The following DEAF1 variants were observed in gnomAD, a reference collection of about 807,000 sequenced individuals.
DEAF1 encodes the protein DEAF1 transcription factor, also known as deformed epidermal autoregulatory factor 1 homolog.
A neutral mutation model predicts 58.9 loss-of-function variants in DEAF1; 53 were observed. That is an observed-to-expected ratio of 0.90 (90% CI 0.72 to 1.13). The LOEUF is 1.13. Ranked by LOEUF, DEAF1 falls within the 50% of genes most tolerant of loss-of-function variation. DEAF1 has a pLI of 0.00. For synonymous variants in DEAF1, 385 were observed against 340.4 expected (o/e 1.13, Z -1.44); for missense variants, 685 against 791.4 (o/e 0.87, Z 1.61).
rs1861070007 is a variant in DEAF1, at chr11:695,217, G to C, written c.-170C>G. 3 of 586,368 alleles carry C rather than the reference G, an allele frequency of 5.1e-6. No individual in the cohort carries two copies. Among genetic ancestry groups the C allele is most frequent in the Non-Finnish European group, 7.7e-6 (3 of 387,382 alleles). 36.3% of individuals were successfully genotyped at this position (586,368 alleles called of 1,614,324 possible). A position where few individuals can be genotyped will look rare whatever the true frequency, so the allele number is the denominator to read the frequency against. ...GCCAGCCGCCGAGCAGAGCCGAGCCGAGTCCGCCCGCGGAGCGGAGCCGAG... is the reference window on the plus strand; with the variant it reads ...GCCAGCCGCCGAGCAGAGCCGAGCCCAGTCCGCCCGCGGAGCGGAGCCGAG... On this transcript the variant is annotated 5_prime_UTR_variant, in exon 1 of 12. Coordinates refer to ENST00000382409, the MANE Select transcript of DEAF1 (RefSeq NM_021008.4).
rs768980086 is a variant in DEAF1, at chr11:688,090, C to G, written c.518-33G>C. 46 of 1,613,186 alleles carry G rather than the reference C, an allele frequency of 2.9e-5. No individual in the cohort carries two copies. Among genetic ancestry groups the G allele is most frequent in the Non-Finnish European group, 1.7e-6 (2 of 1,179,780 alleles). On this transcript the variant is annotated intron_variant, in intron 3 of 11. Coordinates refer to ENST00000382409, the MANE Select transcript of DEAF1 (RefSeq NM_021008.4). This position sits in a 1 kb window ranked among gnomAD's most constrained non-coding sequence, Gnocchi z 4.3. ...AGAGAAAGTGTTTGAAGGTGAGAGG[C>G]CGGACACCGGGAAGCATAGTACACT...
intron 11 of DEAF1, 30 bp downstream of exon 11, chr11:653,932 G>A: frequency 6.2e-7 from 1 of 1,602,750 alleles, no homozygotes; most frequent in African/African-American, 1.3e-5. Flanking sequence ...AGGAGGCGGG[G>A]GCACTGAGCC....
At chr11:678,669 CAT>C (rs750962104) in intron 9 of DEAF1, 23 bp downstream of exon 9, 5 of 1,613,714 alleles carry the variant, frequency 3.1e-6, no homozygotes, top group Non-Finnish European at 4.2e-6. Flanking sequence ...ATAACCTGTA[CAT>C]GTGTGAATTC....
intron 11 of DEAF1, among the ~76,000 whole-genome samples, chr11:649,446 G>A (rs1338762240): frequency 1.3e-5 from 2 of 151,556 alleles, no homozygotes; most frequent in African/African-American, 4.8e-5. Context: ...ACAGCTGGGT[G>A]TGGTGGCTCA....
At chr11:699,005 G>T, upstream of DEAF1, 2 of 1,233,626 alleles carry the variant, frequency 1.6e-6, no homozygotes, top group South Asian at 1.2e-5. Flanking sequence ...TTCCACTTTG[G>T]AGAGGGGGGT....
chr11:681,173 C>T (rs1350230322), intron 6 of DEAF1, 84 bp from the exon 7 acceptor site: 7 of 1,590,574 alleles, frequency 4.4e-6, no homozygotes, highest in African/African-American at 2.7e-5. Flanking sequence ...GTGGGGGCAC[C>T]GCGGGGTGTG....
At chr11:678,960 G>A in intron 8 of DEAF1, 138 bp from the exon 9 acceptor site, 2 of 1,144,678 alleles carry the variant, frequency 1.7e-6, no homozygotes, top group Non-Finnish European at 2.4e-6. Context: ...CCTGAAATGT[G>A]GTGATCCTGA....
rs1285363648 is a variant in DEAF1 at position 688,005 on chromosome 11, A to G, written c.570T>C (p.Thr190=). ...ACACAGAAGGGTCCCAGTTGTATTT[A>G]GTTCCACCTTTTTCTTGGCCGGGAG... ...PLAPGQEKGG[T]KYNWDPSVYD... Residue 190 remains threonine, a synonymous_variant, in exon 4 of 12, where the codon ACT becomes ACC. Coordinates refer to ENST00000382409, the MANE Select transcript of DEAF1 (RefSeq NM_021008.4). This position sits in a 1 kb window ranked among gnomAD's most constrained non-coding sequence, Gnocchi z 4.3. The G allele has an allele frequency of 1.2e-6, 2 of 1,614,014 alleles. No individual in the cohort carries two copies. The highest frequency in any genetic ancestry group is 3.3e-5 in the Admixed American group (2 of 59,994).
In DEAF1 at chr11:688,313, G is replaced by A. The variant is rs745760142; in HGVS notation, c.517+18C>T. On this transcript the variant is annotated intron_variant, in intron 3 of 11. Transcript: ENST00000382409. This position sits in a 1 kb window ranked among gnomAD's most constrained non-coding sequence, Gnocchi z 4.3. Reference sequence around the variant, plus strand: ...AAACGTGTTTTGCCCGAGGCCTGGGGTGCAGGCACCGCTGTACCTGGGGTG... The same window carrying A: ...AAACGTGTTTTGCCCGAGGCCTGGGATGCAGGCACCGCTGTACCTGGGGTG... 1.9e-6 allele frequency: 3 copies of A among 1,611,936 alleles called. No homozygotes were observed. The highest frequency in any genetic ancestry group is 2.2e-5 in the East Asian group (1 of 44,852).
At position 644,250 on chromosome 11, in the gene DEAF1, A is replaced by G. The variant is rs1051239728; in HGVS notation, c.*300T>C. 4.1e-6 allele frequency: 2 copies of G among 490,124 alleles called. No individual in the cohort carries two copies. The highest frequency in any genetic ancestry group is 3.3e-5 in the Admixed American group (1 of 30,444). 30.4% of individuals were successfully genotyped at this position (490,124 alleles called of 1,614,324 possible). A position where few individuals can be genotyped will look rare whatever the true frequency, so the allele number is the denominator to read the frequency against. On this transcript the variant is annotated 3_prime_UTR_variant, in exon 12 of 12. Coordinates refer to ENST00000382409, the MANE Select transcript of DEAF1 (RefSeq NM_021008.4). This position sits in a 1 kb window ranked among gnomAD's most constrained non-coding sequence, Gnocchi z 4.3. The stretch of plus-strand genomic sequence containing the variant: ...GGCAGGGAGACCTTATTTACACTTT[A>G]TTGACAGACACAACACGTATGTATG...
upstream of DEAF1, among the ~76,000 whole-genome samples, chr11:697,244 AC>A (rs1190622642): frequency 6.6e-6 from 1 of 152,078 alleles, no homozygotes; most frequent in East Asian, 1.9e-4. Context: ...ACAGAGCAAA[AC>A]CCTGTCTCTA....
chr11:676,213 CCCA>C (rs1860066003), intron 9 of DEAF1, among the ~76,000 whole-genome samples: 1 of 36,722 alleles, frequency 2.7e-5, no homozygotes, highest in African/African-American at 1.3e-4. Context: ...CCTGACATCC[CCCA>C]GCACCCGATA....
chr11:695,111 C>G lies in DEAF1; in HGVS notation c.-64G>C, dbSNP rs1025309573. On this transcript the variant is annotated 5_prime_UTR_variant, in exon 1 of 12. Coordinates refer to ENST00000382409, the MANE Select transcript of DEAF1 (RefSeq NM_021008.4). ...ACCGCCCGAAGCGCCGGTCGCGGAGCCCGAAGCGGGGCCCGAAGAGGACGC... is the reference window on the plus strand; with the variant it reads ...ACCGCCCGAAGCGCCGGTCGCGGAGGCCGAAGCGGGGCCCGAAGAGGACGC... 1 of 1,369,970 alleles carries G rather than the reference C, an allele frequency of 7.3e-7. No individual in the cohort carries two copies. The highest frequency in any genetic ancestry group is 9.5e-7 in the Non-Finnish European group (1 of 1,057,840). 84.9% of individuals were successfully genotyped at this position (1,369,970 alleles called of 1,614,324 possible).
At chr11:679,948 C>T (rs1332161218) in intron 7 of DEAF1, 132 bp from the exon 8 acceptor site, 4 of 1,257,232 alleles carry the variant, frequency 3.2e-6, no homozygotes, top group Non-Finnish European at 3.4e-6. Flanking sequence ...TGTACCCTCC[C>T]ATGTGAAGGA....
chr11:671,708 C>CAAAAAA (rs577226661), intron 10 of DEAF1, among the ~76,000 whole-genome samples: 1 of 146,648 alleles, frequency 6.8e-6, no homozygotes. Context: ...CCAGTCTCTA[C>CAAAAAA]AAAAAATAAA....
Position 688,302 on chromosome 11 carries a change from C to A in DEAF1, c.517+29G>T, listed in dbSNP as rs777825063. 1 of 1,608,098 alleles carries A rather than the reference C, an allele frequency of 6.2e-7. No homozygotes were observed. Among genetic ancestry groups the A allele is most frequent in the African/African-American group, 1.3e-5 (1 of 74,650 alleles). ...TAGCTATTCTGAAACGTGTTTTGCCCGAGGCCTGGGGTGCAGGCACCGCTG... is the reference window on the plus strand; with the variant it reads ...TAGCTATTCTGAAACGTGTTTTGCCAGAGGCCTGGGGTGCAGGCACCGCTG... On this transcript the variant is annotated intron_variant, in intron 3 of 11. Transcript: ENST00000382409. This position sits in a 1 kb window ranked among gnomAD's most constrained non-coding sequence, Gnocchi z 4.3.
At chr11:700,071 C>G (rs1861373376), upstream of DEAF1, 5 of 1,283,802 alleles carry the variant, frequency 3.9e-6, no homozygotes, top group Non-Finnish European at 5.6e-6. Context: ...CAGAACCAGC[C>G]CCTCTTGTTC....
chr11:645,795 A>G (rs903197201), intron 11 of DEAF1, among the ~76,000 whole-genome samples: 12 of 152,190 alleles, frequency 7.9e-5, no homozygotes, highest in Admixed American at 4.6e-4. Flanking sequence ...AGAGCTCTAG[A>G]GGAAGCGCCA....
At chr11:659,157 C>T (rs1393711952) in intron 10 of DEAF1, among the ~76,000 whole-genome samples, 6 of 150,284 alleles carry the variant, frequency 4.0e-5, no homozygotes, top group South Asian at 4.2e-4. Context: ...TTTGGGAGGC[C>T]GAGGCGGGAG....
Sources: allele counts gnomAD v4.1 joint callset (sites outside exome capture counted in the v4.1 genomes callset), GRCh38; gene constraint gnomAD v4.1.1; non-coding constraint Gnocchi (gnomAD v3.1); transcripts MANE v1.5; gene names NCBI Gene and HGNC (gene_info 2026-07-23, HGNC 2026-07-21).